IQGAP2: variants seen among roughly 807,000 people sequenced by gnomAD.
IQGAP2 encodes ras GTPase-activating-like protein IQGAP2.
In IQGAP2, 173 loss-of-function variants were observed where a neutral mutation model predicts 201.3. The ratio of observed to expected loss-of-function variants is 0.86; its 90% confidence interval spans 0.76 to 0.98. The LOEUF (loss-of-function observed/expected upper bound fraction) is 0.98, where lower values mean the gene tolerates loss of function less well. Among genes scored for constraint, IQGAP2 ranks in the 50% least tolerant of loss-of-function variants. The pLI is 0.00. For synonymous variants in IQGAP2, 675 were observed against 673.9 expected (o/e 1.00, Z -0.03); for missense variants, 1,687 against 1,864.8 (o/e 0.90, Z 1.76).
chr5:76,651,659 G>A (rs1752523443), intron 17 of IQGAP2, among the ~76,000 whole-genome samples: 1 of 152,054 alleles, frequency 6.6e-6, no homozygotes, highest in South Asian at 2.1e-4. Flanking sequence ...GGGAAGCTGT[G>A]TAAAGGGGTA....
chr5:76,620,985 T>C (rs1353441310), intron 13 of IQGAP2, among the ~76,000 whole-genome samples: 1 of 152,214 alleles, frequency 6.6e-6, no homozygotes, highest in Non-Finnish European at 1.5e-5. Context: ...TTCACATGTA[T>C]AGAAAATAGA....
At chr5:76,621,314 T>C (rs1749648857) in intron 13 of IQGAP2, among the ~76,000 whole-genome samples, 1 of 152,080 alleles carries the variant, frequency 6.6e-6, no homozygotes, top group Non-Finnish European at 1.5e-5. Context: ...ATGGAGGTGA[T>C]CAGGTATCAT....
At chr5:76,693,278 C>A in intron 30 of IQGAP2, 77 bp from the exon 31 acceptor site, 2 of 862,144 alleles carry the variant, frequency 2.3e-6, no homozygotes, top group Non-Finnish European at 3.7e-6. Context: ...TGTGTTTGTG[C>A]ACTCTCTTAG....
intron 16 of IQGAP2, among the ~76,000 whole-genome samples, chr5:76,640,702 A>G (rs2150402066): frequency 6.6e-6 from 1 of 152,336 alleles, no homozygotes; most frequent in East Asian, 1.9e-4. Context: ...TCCTGAGATC[A>G]TTGAGCTGCA....
intron 19 of IQGAP2, among the ~76,000 whole-genome samples, chr5:76,654,612 A>C (rs550383943): frequency 3.3e-5 from 5 of 152,330 alleles, no homozygotes; most frequent in African/African-American, 1.2e-4. Context: ...AGCCCCTGGG[A>C]GGGATTTCTT....
intron 2 of IQGAP2, among the ~76,000 whole-genome samples, chr5:76,552,916 C>T (rs1743662032): frequency 6.6e-6 from 1 of 151,996 alleles, no homozygotes; most frequent in Non-Finnish European, 1.5e-5. Context: ...TATTGTGTGC[C>T]TGTGTTTTAA....
At chr5:76,579,879 T>C (rs1745722195) in intron 5 of IQGAP2, among the ~76,000 whole-genome samples, 1 of 152,202 alleles carries the variant, frequency 6.6e-6, no homozygotes, top group African/African-American at 2.4e-5. Flanking sequence ...GGTTCTTCCT[T>C]ATCTTGGGGC....
At chr5:76,544,201 T>C (rs985157059) in intron 2 of IQGAP2, among the ~76,000 whole-genome samples, 2 of 152,210 alleles carry the variant, frequency 1.3e-5, no homozygotes, top group African/African-American at 4.8e-5. Flanking sequence ...TGGCAGACAG[T>C]AAATAAACTG....
chr5:76,581,160 C>A (rs557419816), intron 5 of IQGAP2, among the ~76,000 whole-genome samples: 8 of 152,184 alleles, frequency 5.3e-5, no homozygotes, highest in Non-Finnish European at 8.8e-5. Flanking sequence ...CTAGCCAGCT[C>A]CCACACAGCC....
chr5:76,433,447 C>G (rs1391970592), intron 1 of IQGAP2, among the ~76,000 whole-genome samples: 1 of 152,158 alleles, frequency 6.6e-6, no homozygotes, highest in Non-Finnish European at 1.5e-5. Flanking sequence ...TAAATTCTTG[C>G]TGAATTCTGG....
At position 76,665,291 on chromosome 5, in the gene IQGAP2, T is replaced by C. The variant is rs939215794; in HGVS notation, c.2679+116T>C. 8 of 849,778 alleles carry C rather than the reference T, an allele frequency of 9.4e-6. No homozygotes were observed. In the African/African-American group the frequency reaches 1.4e-4, roughly 14 times the overall value. 52.6% of individuals were successfully genotyped at this position (849,778 alleles called of 1,614,324 possible). ...TATAATAGCATACATGTTTTGAGCATCTACTAAGTACCAAGTGCTGTTGTT... is the reference window on the plus strand; with the variant it reads ...TATAATAGCATACATGTTTTGAGCACCTACTAAGTACCAAGTGCTGTTGTT... On this transcript the variant is annotated intron_variant, in intron 22 of 35. Transcript: ENST00000274364.
intron 1 of IQGAP2, among the ~76,000 whole-genome samples, chr5:76,409,269 CAG>C (rs1426074868): frequency 3.5e-5 from 3 of 85,950 alleles, no homozygotes; most frequent in Non-Finnish European, 6.1e-5. Flanking sequence ...TTTTTTGAGA[CAG>C]AGTCTTGCTC....
intron 2 of IQGAP2, among the ~76,000 whole-genome samples, chr5:76,466,182 A>T (rs1580254015): frequency 6.6e-6 from 1 of 152,086 alleles, no homozygotes; most frequent in African/African-American, 2.4e-5. Context: ...CAAAAAAAAA[A>T]AATTTTGAAT....
intron 2 of IQGAP2, among the ~76,000 whole-genome samples, chr5:76,557,629 ATATGTTAAGTACTTGC>A (rs1453268188): frequency 6.6e-6 from 1 of 152,220 alleles, no homozygotes. Flanking sequence ...TTTCATAACC[ATATGTTAAGTACTTGC>A]TTTGTGTAAA....
At chr5:76,423,942 T>C (rs1751863454) in intron 1 of IQGAP2, among the ~76,000 whole-genome samples, 1 of 152,230 alleles carries the variant, frequency 6.6e-6, no homozygotes, top group Admixed American at 6.5e-5. Context: ...ACGTTTACAT[T>C]GTAGCACCTG....
At chr5:76,404,658 G>T (rs192255830) in intron 1 of IQGAP2, 31 of 182,766 alleles carry the variant, frequency 1.7e-4, no homozygotes, top group Non-Finnish European at 2.9e-4. Flanking sequence ...AACTTGTGTA[G>T]GTTCTTTCCC....
intron 2 of IQGAP2, among the ~76,000 whole-genome samples, chr5:76,507,498 A>G (rs1757673537): frequency 6.6e-6 from 1 of 152,212 alleles, no homozygotes; most frequent in African/African-American, 2.4e-5. Flanking sequence ...CGTTATGTAC[A>G]ATACCAAAGA....
intron 2 of IQGAP2, among the ~76,000 whole-genome samples, chr5:76,520,398 G>A (rs747171204): frequency 2.0e-4 from 30 of 152,194 alleles, no homozygotes; most frequent in Admixed American, 6.5e-4. Context: ...CCGACCTCAG[G>A]AGATCTGCCC....
chr5:76,701,256 G>T, intron 34 of IQGAP2, 43 bp downstream of exon 34: 1 of 1,597,982 alleles, frequency 6.3e-7, no homozygotes, highest in South Asian at 1.1e-5. Flanking sequence ...CATGCCATTT[G>T]ATTTCTTGTG....
Sources: allele counts gnomAD v4.1 joint callset (sites outside exome capture counted in the v4.1 genomes callset), GRCh38; gene constraint gnomAD v4.1.1; transcripts MANE v1.5; gene names NCBI Gene and HGNC (gene_info 2026-07-23, HGNC 2026-07-21).